IPMK: variants seen among roughly 807,000 people sequenced by gnomAD.
IPMK encodes inositol polyphosphate multikinase.
In IPMK, 17 loss-of-function variants were observed where a neutral mutation model predicts 45.8. That is an observed-to-expected ratio of 0.37 (90% CI 0.25 to 0.56). The LOEUF is 0.56. IPMK is among the 20% of genes least tolerant of loss of function. The probability of loss-of-function intolerance (pLI) is 0.79; values close to 1 mark genes in which losing one functional copy is unlikely to be tolerated. For synonymous variants in IPMK, 180 were observed against 184.3 expected, an observed-to-expected ratio of 0.98 and a Z score of 0.19; for missense variants, 399 against 498.0, an observed-to-expected ratio of 0.80 and a Z score of 1.89.
Position 58,199,326 on chromosome 10 carries a change from C to A in IPMK, c.547-5G>T. ...ATCGGAATGAACATGATAAACCTGT[C>A]AAAAAAAGCAGTGAATATTAAAAAG... On this transcript the variant is annotated splice_region_variant and splice_polypyrimidine_tract_variant and intron_variant, in intron 4 of 5. Transcript: ENST00000373935. The A allele has an allele frequency of 6.3e-7, 1 of 1,585,888 alleles. No individual in the cohort carries two copies. Among genetic ancestry groups the A allele is most frequent in the Non-Finnish European group, 8.6e-7 (1 of 1,164,860 alleles).
At chr10:58,228,393 A>C (rs1459123774) in intron 2 of IPMK, among the ~76,000 whole-genome samples, 1 of 152,280 alleles carries the variant, frequency 6.6e-6, no homozygotes, top group Non-Finnish European at 1.5e-5. Context: ...TTCATTTGAA[A>C]CTACTCATAG....
intron 4 of IPMK, among the ~76,000 whole-genome samples, chr10:58,210,145 A>T (rs1838136440): frequency 6.6e-6 from 1 of 151,992 alleles, no homozygotes; most frequent in South Asian, 2.1e-4. Flanking sequence ...GGCCAATGGG[A>T]TTATATTCCA....
At chr10:58,266,549 T>C (rs1039551169) in intron 1 of IPMK, among the ~76,000 whole-genome samples, 2 of 152,170 alleles carry the variant, frequency 1.3e-5, no homozygotes, top group East Asian at 1.9e-4. Context: ...TTTACCGGCA[T>C]AAACTAAATT....
rs753050298 is a variant in IPMK, at chr10:58,211,901, C to CAAAAAAAAAAAAA, written c.546+4231_546+4243dup. Reference sequence around the variant, plus strand: ...CACTCCAGCCTGGGTGACATCTCACCAAAAAAAAAAAAAAAAAAAAAAAAT... The same window carrying CAAAAAAAAAAAAA: ...CACTCCAGCCTGGGTGACATCTCACCAAAAAAAAAAAAAAAAAAAAAAAAAAAAAAAAAAAAAT... On this transcript the variant is annotated intron_variant, in intron 4 of 5. Transcript: ENST00000373935. Among the ~76,000 whole-genome samples the CAAAAAAAAAAAAA allele has an allele frequency of 8.1e-3, 410 of 50,356 alleles. 35 individuals carry two copies. The highest frequency in any genetic ancestry group is 0.03 in the African/African-American group (329 of 11,028). The allele number at this position is 50,356 out of a possible 152,430, so 33.0% of individuals were successfully genotyped here. A position where few individuals can be genotyped will look rare whatever the true frequency, so the allele number is the denominator to read the frequency against.
chr10:58,246,453 C>G (rs7921522), intron 1 of IPMK, among the ~76,000 whole-genome samples: 28,561 of 120,006 alleles, frequency 0.24, 4,915 homozygotes, highest in African/African-American at 0.49. Flanking sequence ...TACCAAAACA[C>G]AGATATAGAT....
At chr10:58,206,097 T>A (rs552083860) in intron 4 of IPMK, among the ~76,000 whole-genome samples, 64 of 152,298 alleles carry the variant, frequency 4.2e-4, no homozygotes, top group African/African-American at 1.5e-3. Flanking sequence ...TATATCCATA[T>A]AATCGAATAT....
At chr10:58,262,612 T>C (rs2790163) in intron 1 of IPMK, among the ~76,000 whole-genome samples, 51,470 of 152,038 alleles carry the variant, frequency 0.34, 10,964 homozygotes, top group African/African-American at 0.61. Flanking sequence ...CAGGGCTCCT[T>C]GAAGAAATGG....
At chr10:58,207,056 G>A (rs906891359) in intron 4 of IPMK, among the ~76,000 whole-genome samples, 2 of 152,210 alleles carry the variant, frequency 1.3e-5, no homozygotes, top group East Asian at 1.9e-4. Context: ...GGCCTGGAGC[G>A]CAATGGCACG....
At position 58,200,957 on chromosome 10, in the gene IPMK, C is replaced by T. The variant is rs567881320; in HGVS notation, c.547-1636G>A. On this transcript the variant is annotated intron_variant, in intron 4 of 5. Transcript: ENST00000373935. The stretch of plus-strand genomic sequence containing the variant: ...TCACCACTACAAATATTTATCATTT[C>T]TATGTGTTCACAGTGTTTTTCCCAC... 1.5e-4 allele frequency among the ~76,000 whole-genome samples: 23 copies of T among 152,046 alleles called. No individual in the cohort carries two copies. The East Asian group carries it at 4.4e-3, about 29-fold the overall frequency.
intron 1 of IPMK, among the ~76,000 whole-genome samples, chr10:58,265,841 C>T (rs1051491553): frequency 2.0e-5 from 3 of 152,200 alleles, no homozygotes; most frequent in Admixed American, 1.3e-4. Flanking sequence ...AGTGGTTACA[C>T]TCTTAAGTGA....
intron 1 of IPMK, among the ~76,000 whole-genome samples, chr10:58,244,769 T>A (rs1338814851): frequency 6.6e-6 from 1 of 152,140 alleles, no homozygotes; most frequent in Non-Finnish European, 1.5e-5. Flanking sequence ...CTGAAACATG[T>A]GCTGTGTCAA....
intron 2 of IPMK, 83 bp from the exon 3 acceptor site, chr10:58,227,222 G>T: frequency 9.7e-7 from 1 of 1,030,024 alleles, no homozygotes; most frequent in Non-Finnish European, 1.4e-6. Flanking sequence ...AATTTATGTT[G>T]AATTATAATT....
chr10:58,225,227 A>C (rs931790283), intron 3 of IPMK, among the ~76,000 whole-genome samples: 1 of 152,212 alleles, frequency 6.6e-6, no homozygotes, highest in African/African-American at 2.4e-5. Flanking sequence ...ATTAGAGTTT[A>C]TAAAATATTT....
intron 3 of IPMK, among the ~76,000 whole-genome samples, chr10:58,222,287 ATAAT>A (rs1198846327): frequency 6.6e-6 from 1 of 152,230 alleles, no homozygotes; most frequent in Admixed American, 6.5e-5. Context: ...ATCTTGTAAA[ATAAT>A]TATGAGTATT....
chr10:58,265,330 A>G (rs1276399298), intron 1 of IPMK, among the ~76,000 whole-genome samples: 1 of 152,212 alleles, frequency 6.6e-6, no homozygotes, highest in Non-Finnish European at 1.5e-5. Flanking sequence ...TAAAAACAAA[A>G]CAAATACCAA....
At chr10:58,261,944 C>A (rs974283345) in intron 1 of IPMK, among the ~76,000 whole-genome samples, 1 of 152,006 alleles carries the variant, frequency 6.6e-6, no homozygotes, top group Non-Finnish European at 1.5e-5. Context: ...TCCTTTGTAG[C>A]GACATGGATG....
At chr10:58,243,972 G>C (rs1588967816) in intron 1 of IPMK, among the ~76,000 whole-genome samples, 1 of 280 alleles carries the variant, frequency 3.6e-3, no homozygotes, top group African/African-American at 0.011. Context: ...GAGTGCCTCT[G>C]CCTGGCGCGC....
At chr10:58,226,791 T>C (rs1235562959) in intron 3 of IPMK, among the ~76,000 whole-genome samples, 1 of 152,184 alleles carries the variant, frequency 6.6e-6, no homozygotes, top group Non-Finnish European at 1.5e-5. Flanking sequence ...CAAATTAAGA[T>C]AGTATTAAGT....
At chr10:58,265,111 C>T (rs1039624195) in intron 1 of IPMK, among the ~76,000 whole-genome samples, 11 of 152,250 alleles carry the variant, frequency 7.2e-5, no homozygotes, top group Admixed American at 6.5e-4. Context: ...CAGTGAAGAA[C>T]ACAAAATATA....
Sources: allele counts gnomAD v4.1 joint callset (sites outside exome capture counted in the v4.1 genomes callset), GRCh38; gene constraint gnomAD v4.1.1; transcripts MANE v1.5; gene names NCBI Gene and HGNC (gene_info 2026-07-23, HGNC 2026-07-21).